SMTN: variants seen among roughly 807,000 people sequenced by gnomAD.
The protein encoded by SMTN is smoothelin.
A neutral mutation model predicts 102.0 loss-of-function variants in SMTN; 58 were observed. The ratio of observed to expected loss-of-function variants is 0.57; its 90% CI spans 0.46 to 0.71. The LOEUF (loss-of-function observed/expected upper bound fraction) is 0.71. SMTN is among the 30% of genes least tolerant of loss of function. SMTN has a pLI of 0.00. For missense variants in SMTN, 1,185 were observed against 1,241.7 expected (o/e 0.95, Z 0.69); for synonymous variants, 478 against 497.9 (o/e 0.96, Z 0.53).
At chr22:31,089,115 C>T (rs1011043413) in intron 6 of SMTN, 146 bp downstream of exon 6, 4 of 687,210 alleles carry the variant, frequency 5.8e-6, no homozygotes, top group Non-Finnish European at 7.3e-6. Context: ...AGAGGGATCT[C>T]CCAGAAATGC....
Position 31,087,996 on chromosome 22 carries a change from G to C in SMTN, c.83G>C (p.Arg28Pro). Residue 28 changes from arginine (R) to proline (P), a missense_variant, in exon 3 of 21, where the codon CGG (arginine) becomes CCG (proline). Arg to Pro is a moderately radical substitution (Grantham distance 103). This residue lies in a region of SMTN where 1,096 missense variants were observed against 1,112.7 expected (regional missense o/e 0.98). Transcript: ENST00000333137. ...LEVTADLAER[R>P]RIRSAIRELQ... ...GTCACAGCAGATCTGGCAGAGCGGC[G>C]GCGCATCCGCTCAGCCATCCGGGAA... The C allele has an allele frequency of 6.2e-7, 1 of 1,607,180 alleles. No homozygotes were observed. The highest frequency in any genetic ancestry group is 8.5e-7 in the Non-Finnish European group (1 of 1,175,136).
At position 31,098,792 on chromosome 22, in the gene SMTN, A is replaced by G. The variant is rs2043824665; in HGVS notation, c.2285A>G (p.Gln762Arg). The change falls in exon 17 of 21, where the codon CAG becomes CGG. Residue 762 changes from glutamine to arginine, a missense_variant. By Grantham distance (43) the Gln-to-Arg change is conservative (BLOSUM62 1). Around this residue, in one of 2 missense-constraint regions of SMTN, gnomAD observed 1,096 missense variants for 1,112.7 expected, o/e 0.98. Coordinates refer to ENST00000333137, the MANE Select transcript of SMTN (RefSeq NM_134269.3). ...AGTCTGCCCAAGACCTCAGCCTCCC[A>G]GGCGCGCAAGGCCATGATTGAGAAG... ...AQSLPKTSAS[Q>R]ARKAMIEKLE... The G allele has an allele frequency of 1.2e-6, 2 of 1,612,610 alleles. No homozygotes were observed. Among genetic ancestry groups the G allele is most frequent in the African/African-American group, 2.7e-5 (2 of 74,880 alleles).
Position 31,091,127 on chromosome 22 carries a change from C to A in SMTN, c.1104C>A (p.Ser368=). 1 of 1,613,910 alleles carries A rather than the reference C, an allele frequency of 6.2e-7. No homozygotes were observed. Among genetic ancestry groups the A allele is most frequent in the Non-Finnish European group, 8.5e-7 (1 of 1,179,900 alleles). The change falls in exon 10 of 21, where the codon TCC becomes TCA. Residue 368 remains serine (S), a synonymous_variant. Transcript: ENST00000333137. ...CCCCCGCAAGGCTCCTGGGCCCCTCCCTCACCAGCACCACCCCTGCCTCCT... is the reference window on the plus strand; with the variant it reads ...CCCCCGCAAGGCTCCTGGGCCCCTCACTCACCAGCACCACCCCTGCCTCCT... ...PLTPARLLGP[S]LTSTTPASSS...
intron 11 of SMTN, chr22:31,092,357 T>C (rs2043201714): frequency 4.5e-6 from 2 of 443,746 alleles, no homozygotes; most frequent in Non-Finnish European, 9.6e-6. Context: ...GGGCAGAAGC[T>C]CTGAGGGGGG....
chr22:31,101,271 C>G lies in SMTN; in HGVS notation c.*20+222C>G, dbSNP rs138937951. 1.6e-3 allele frequency: 801 copies of G among 513,420 alleles called. 16 individuals carry two copies. In the South Asian group the frequency reaches 0.02, roughly 13 times the overall value. 31.8% of individuals were successfully genotyped at this position (513,420 alleles called of 1,614,324 possible). ...GGGCAGCACTGTGATGGGGGAAGCC[C>G]AGGGGAGATGCCTGACCCAGGCTGC... On this transcript the variant is annotated intron_variant, in intron 20 of 20. Coordinates refer to ENST00000333137, the MANE Select transcript of SMTN (RefSeq NM_134269.3).
Position 31,104,445 on chromosome 22 carries a change from C to T in SMTN, c.*150C>T. On this transcript the variant is annotated 3_prime_UTR_variant, in exon 21 of 21. Transcript: ENST00000333137. ...ACCACCTGCGACGCCACGAACTGCG[C>T]CTGCGCGGCAAGAATGTCTAGCCTG... is the stretch of plus-strand genomic sequence containing the variant. 2 of 1,613,972 alleles carry T rather than the reference C, an allele frequency of 1.2e-6. No homozygotes were observed. Among genetic ancestry groups the T allele is most frequent in the Non-Finnish European group, 1.7e-6 (2 of 1,180,028 alleles).
chr22:31,079,459 G>C (rs1202546829), upstream of SMTN, among the ~76,000 whole-genome samples: 4 of 152,240 alleles, frequency 2.6e-5, no homozygotes, highest in African/African-American at 9.6e-5. Flanking sequence ...GTAGGGCAGG[G>C]AGAAAGGAGG....
intron 18 of SMTN, 190 bp downstream of exon 18, chr22:31,099,369 T>C: frequency 1.7e-6 from 1 of 597,910 alleles, no homozygotes; most frequent in African/African-American, 1.9e-5. Flanking sequence ...GATTCCAGAA[T>C]CAGTGATGAA....
At position 31,096,995 on chromosome 22, in the gene SMTN, C is replaced by T; in HGVS notation, c.2027-3C>T. On this transcript the variant is annotated splice_polypyrimidine_tract_variant and splice_region_variant and intron_variant, in intron 14 of 20. Coordinates refer to ENST00000333137, the MANE Select transcript of SMTN (RefSeq NM_134269.3). ...ACATCCTTCTCATCCCCTGCCCCTG[C>T]AGATGATGGCACACGGACGGCCCGC... 6.2e-7 allele frequency: 1 copy of T among 1,614,150 alleles called. No individual in the cohort carries two copies. Among genetic ancestry groups the T allele is most frequent in the Non-Finnish European group, 8.5e-7 (1 of 1,179,994 alleles).
chr22:31,067,721 AT>A (rs957396516), intron 1 of SMTN: 12 of 148,450 alleles, frequency 8.1e-5, no homozygotes, highest in East Asian at 2.0e-4. Context: ...TGCCCAGTTA[AT>A]TTTTTTTTTG....
chr22:31,094,147 C>G (rs1234486323), intron 11 of SMTN, among the ~76,000 whole-genome samples: 2 of 152,248 alleles, frequency 1.3e-5, no homozygotes, highest in Admixed American at 1.3e-4. Flanking sequence ...CTCCCTGAAA[C>G]AGCTGCCACC....
chr22:31,104,264 C>G (rs1183879859), intron 20 of SMTN, 52 bp from the exon 21 acceptor site: 2 of 1,602,418 alleles, frequency 1.2e-6, no homozygotes, highest in Admixed American at 3.4e-5. Flanking sequence ...AGAGGGGCGC[C>G]ACGAGAGGCG....
At chr22:31,085,061 A>T in intron 2 of SMTN, 1 of 1,531,252 alleles carries the variant, frequency 6.5e-7, no homozygotes. Context: ...ATTCTTGAGG[A>T]TTGGGCCGGG....
At chr22:31,089,230 A>G (rs1258087343) in intron 6 of SMTN, among the ~76,000 whole-genome samples, 1 of 152,054 alleles carries the variant, frequency 6.6e-6, no homozygotes, top group African/African-American at 2.4e-5. Flanking sequence ...TGCATGTCAG[A>G]CCCCAGCTGG....
At chr22:31,073,865 A>T (rs1268770467) in intron 1 of SMTN, among the ~76,000 whole-genome samples, 1 of 152,182 alleles carries the variant, frequency 6.6e-6, no homozygotes, top group Non-Finnish European at 1.5e-5. Context: ...GGGCTTACTC[A>T]TGTATCTGTG....
At chr22:31,103,376 A>G (rs1404172064) in intron 20 of SMTN, 1 of 152,350 alleles carries the variant, frequency 6.6e-6, no homozygotes, top group Admixed American at 6.5e-5. Context: ...GGACAGGGGA[A>G]AAGGAGCCAG....
chr22:31,097,084 GTGCCTGCC>G (rs749359617), intron 15 of SMTN, 24 bp downstream of exon 15: 1 of 1,610,578 alleles, frequency 6.2e-7, no homozygotes, highest in African/African-American at 1.3e-5. Context: ...GTGTCGCCCT[GTGCCTGCC>G]TGCCTGTCCG....
At chr22:31,077,457 G>A (rs1422507666), upstream of SMTN, among the ~76,000 whole-genome samples, 1 of 152,022 alleles carries the variant, frequency 6.6e-6, no homozygotes, top group Non-Finnish European at 1.5e-5. Flanking sequence ...TATAATGGTG[G>A]TCCTACCTCA....
intron 11 of SMTN, among the ~76,000 whole-genome samples, chr22:31,094,309 G>A (rs553706154): frequency 1.3e-5 from 2 of 152,376 alleles, no homozygotes; most frequent in Non-Finnish European, 2.9e-5. Context: ...GTTTCCAGCA[G>A]GGGCGAGGCA....
Sources: gnomAD v4.1 joint callset for allele counts (sites outside exome capture counted in the v4.1 genomes callset) on GRCh38, gnomAD v4.1.1 for gene constraint, gnomAD v4.1.1 regional missense constraint, MANE v1.5 for transcripts, NCBI Gene and HGNC (gene_info 2026-07-23, HGNC 2026-07-21) for gene names.